Variants in DLGAP2 observed in about 807,000 individuals in gnomAD.
DLGAP2 encodes the protein DLG associated protein 2.
In DLGAP2, 26 loss-of-function variants were observed where a neutral mutation model predicts 100.3. The observed-to-expected ratio is 0.26, with a 90% CI of 0.19 to 0.36. The LOEUF (loss-of-function observed/expected upper bound fraction) is 0.36. DLGAP2 is among the 10% of genes least tolerant of loss of function. DLGAP2 has a pLI of 1.00. For synonymous variants in DLGAP2, 886 were observed against 630.1 expected (o/e 1.41, Z -6.08); for missense variants, 1,858 against 1,453.2 (o/e 1.28, Z -4.53).
chr8:936,271 G>A (rs531005680), intron 2 of DLGAP2, among the ~76,000 whole-genome samples: 7 of 152,170 alleles, frequency 4.6e-5, no homozygotes, highest in African/African-American at 1.4e-4. Flanking sequence ...AAGAGAAGGG[G>A]ACCCAAGGGG....
At chr8:1,146,938 A>G (rs189867923) in intron 2 of DLGAP2, among the ~76,000 whole-genome samples, 21 of 152,194 alleles carry the variant, frequency 1.4e-4, no homozygotes, top group Non-Finnish European at 2.9e-5. Flanking sequence ...TTTTCTTCCA[A>G]TAAATTTCTC....
intron 2 of DLGAP2, among the ~76,000 whole-genome samples, chr8:1,172,679 C>G (rs1015679045): frequency 6.6e-6 from 1 of 152,190 alleles, no homozygotes; most frequent in African/African-American, 2.4e-5. Flanking sequence ...ATCACATCGG[C>G]TCCTGGGGCT....
chr8:1,206,530 A>G (rs13254576), intron 2 of DLGAP2, among the ~76,000 whole-genome samples: 447 of 38,798 alleles, frequency 0.012, no homozygotes, highest in African/African-American at 0.055. Flanking sequence ...CCATCCGTGG[A>G]CTGGGGTAGA....
chr8:1,107,137 T>A (rs1301173454), intron 2 of DLGAP2, among the ~76,000 whole-genome samples: 2 of 152,136 alleles, frequency 1.3e-5, no homozygotes, highest in South Asian at 4.1e-4. Flanking sequence ...AAAATAAAAA[T>A]CAGTGGGGGT....
At chr8:800,820 G>A (rs1262414394) in intron 1 of DLGAP2, among the ~76,000 whole-genome samples, 1 of 152,104 alleles carries the variant, frequency 6.6e-6, no homozygotes. Context: ...TGTGACATTT[G>A]CTGAGAAGAG....
Position 1,631,256 on chromosome 8 carries a change from C to G in DLGAP2, c.1591-1571C>G, listed in dbSNP as rs78652605. On this transcript the variant is annotated intron_variant, in intron 7 of 14. Transcript: ENST00000637795. Reference sequence around the variant, plus strand: ...AGCTTCTGTTTGTGAAATGCACATACCAGGTTAATGGTGTCTCTTCTTTAG... The same window carrying G: ...AGCTTCTGTTTGTGAAATGCACATAGCAGGTTAATGGTGTCTCTTCTTTAG... 9.3e-3 allele frequency among the ~76,000 whole-genome samples: 1,408 copies of G among 152,096 alleles called. 21 individuals are homozygous for G. The highest frequency in any genetic ancestry group is 0.032 in the African/African-American group (1,340 of 41,490).
At chr8:1,068,443 G>A (rs1009113996) in intron 2 of DLGAP2, among the ~76,000 whole-genome samples, 13 of 152,148 alleles carry the variant, frequency 8.5e-5, no homozygotes, top group Non-Finnish European at 1.8e-4. Context: ...GTTCATCCAC[G>A]TCCTCAGCGG....
chr8:892,740 G>T (rs931640491), intron 1 of DLGAP2, among the ~76,000 whole-genome samples: 29 of 152,302 alleles, frequency 1.9e-4, no homozygotes, highest in African/African-American at 6.5e-4. Flanking sequence ...CAGAGGGATG[G>T]GTAGGAGAGG....
intron 3 of DLGAP2, among the ~76,000 whole-genome samples, chr8:1,438,020 T>G (rs1797700747): frequency 6.6e-6 from 1 of 151,778 alleles, no homozygotes; most frequent in Non-Finnish European, 1.5e-5. Context: ...AAAACCAAAG[T>G]AGGAAAAGAG....
At chr8:1,564,236 A>C (rs540391483) in intron 5 of DLGAP2, among the ~76,000 whole-genome samples, 1 of 152,326 alleles carries the variant, frequency 6.6e-6, no homozygotes, top group African/African-American at 2.4e-5. Context: ...AAAAGAAACC[A>C]GGTCCTGACC....
chr8:1,039,982 GTGCATGGTCTGCTCAGTTTCCGTGGTCA>G (rs1396721228), intron 2 of DLGAP2, among the ~76,000 whole-genome samples: 5 of 142,200 alleles, frequency 3.5e-5, no homozygotes, highest in Admixed American at 1.4e-4. Flanking sequence ...TCGGCTCGGT[GTGCATGGTCTGCTCAGTTTCCGTGGTCA>G]GCTCGGTTTC....
intron 4 of DLGAP2, among the ~76,000 whole-genome samples, chr8:1,514,626 C>T (rs1219248777): frequency 1.3e-5 from 2 of 152,220 alleles, no homozygotes; most frequent in Non-Finnish European, 2.9e-5. Context: ...CTTATACTCA[C>T]CTATGTCACT....
chr8:1,363,934 C>G (rs1290476540), intron 3 of DLGAP2, among the ~76,000 whole-genome samples: 1 of 152,184 alleles, frequency 6.6e-6, no homozygotes, highest in Non-Finnish European at 1.5e-5. Context: ...CTGACAGTGA[C>G]AGCCAGGCTA....
At chr8:1,378,924 A>G (rs1301014446) in intron 3 of DLGAP2, among the ~76,000 whole-genome samples, 1 of 152,194 alleles carries the variant, frequency 6.6e-6, no homozygotes, top group Non-Finnish European at 1.5e-5. Context: ...CAAGTTGTTA[A>G]AACAGTCAAT....
At chr8:916,531 T>C (rs1042423260) in intron 2 of DLGAP2, among the ~76,000 whole-genome samples, 7 of 152,098 alleles carry the variant, frequency 4.6e-5, no homozygotes, top group African/African-American at 1.4e-4. Flanking sequence ...TGTTGAGGGA[T>C]AGCATTAGGA....
chr8:1,138,848 G>C (rs1209222806), intron 2 of DLGAP2, among the ~76,000 whole-genome samples: 1 of 152,236 alleles, frequency 6.6e-6, no homozygotes, highest in East Asian at 1.9e-4. Flanking sequence ...TGTGCGGCTG[G>C]TGGGAAACTC....
intron 2 of DLGAP2, among the ~76,000 whole-genome samples, chr8:928,515 G>A (rs1584896744): frequency 6.6e-6 from 1 of 152,138 alleles, no homozygotes; most frequent in Non-Finnish European, 1.5e-5. Flanking sequence ...GTGACAACAC[G>A]GGTGATGCTG....
chr8:1,099,163 C>CCCACGTG (rs1188055084), intron 2 of DLGAP2, among the ~76,000 whole-genome samples: 2 of 152,176 alleles, frequency 1.3e-5, no homozygotes, highest in African/African-American at 4.8e-5. Flanking sequence ...TTCCAAAGTG[C>CCCACGTG]CCACGTGCCT....
intron 1 of DLGAP2, among the ~76,000 whole-genome samples, chr8:828,785 G>T (rs565923130): frequency 6.6e-6 from 1 of 152,164 alleles, no homozygotes; most frequent in East Asian, 1.9e-4. Context: ...ATTAATTTGG[G>T]GAACTAATGA....
Sources: allele counts gnomAD v4.1 joint callset (sites outside exome capture counted in the v4.1 genomes callset), GRCh38; gene constraint gnomAD v4.1.1; transcripts MANE v1.5; gene names NCBI Gene and HGNC (gene_info 2026-07-23, HGNC 2026-07-21).